The following PITPNB variants were observed in gnomAD, a reference collection of about 807,000 sequenced individuals.
PITPNB encodes phosphatidylinositol transfer protein beta.
A neutral mutation model predicts 45.9 loss-of-function variants in PITPNB; 16 were observed. That is an observed-to-expected ratio of 0.35 (90% CI 0.24 to 0.53). PITPNB has a LOEUF of 0.53. PITPNB is among the 20% of genes least tolerant of loss of function. The pLI is 0.93. For missense variants in PITPNB, 188 were observed against 330.5 expected (o/e 0.57, Z 3.34); for synonymous variants, 112 against 108.9 (o/e 1.03, Z -0.18).
chr22:27,898,380 G>GA (rs1047098994), intron 3 of PITPNB, among the ~76,000 whole-genome samples: 8 of 144,850 alleles, frequency 5.5e-5, no homozygotes, highest in Non-Finnish European at 6.1e-5. Flanking sequence ...GTCTCACAAG[G>GA]AAAAAAAAAA....
Position 27,853,520 on chromosome 22 carries a change from C to T in PITPNB, c.*182G>A, listed in dbSNP as rs1426353523. ...AGACATATGCACACATACATATATA[C>T]ACACGTGGTTGAGAACCTGTGCATG... On this transcript the variant is annotated 3_prime_UTR_variant, in exon 12 of 12. Coordinates refer to ENST00000335272, the MANE Select transcript of PITPNB (RefSeq NM_012399.5). The T allele has an allele frequency of 1.1e-6, 1 of 939,634 alleles. No homozygotes were observed. The allele number at this position is 939,634 out of a possible 1,614,324, so 58.2% of individuals were successfully genotyped here.
rs1205881868 is a variant in PITPNB, at chr22:27,911,030, T to G, written c.131A>C (p.Lys44Thr). 2 of 1,611,372 alleles carry G rather than the reference T, an allele frequency of 1.2e-6. No homozygotes were observed. Among genetic ancestry groups the G allele is most frequent in the South Asian group, 2.2e-5 (2 of 91,034 alleles). The change falls in exon 3 of 12, where the codon AAG becomes ACG. Residue 44 changes from lysine to threonine, a missense_variant. Physicochemically the swap from Lys to Thr is moderately conservative, Grantham distance 78. Transcript: ENST00000335272. ...TCCATCCTTCTCATAAGGTTCATTC[T>G]TTAAGACTTCAATTCCTTCTCCACC... ...TGGGEGIEVL[K>T]NEPYEKDGEK...
rs150806150 is a variant in PITPNB at position 27,864,509 on chromosome 22, T to C, written c.535-4268A>G. ...ATATCCTATTAATCAAGTAAAGAAA[T>C]GATACCACAGATTTATCTGTTAACA... On this transcript the variant is annotated intron_variant, in intron 8 of 11. Transcript: ENST00000335272. Among the ~76,000 whole-genome samples the C allele has an allele frequency of 6.8e-3, 1,032 of 152,310 alleles. 7 individuals are homozygous for C. Among genetic ancestry groups the C allele is most frequent in the African/African-American group, 0.023 (937 of 41,556 alleles).
chr22:27,890,790 G>A (rs1935254928), intron 7 of PITPNB, among the ~76,000 whole-genome samples: 1 of 152,156 alleles, frequency 6.6e-6, no homozygotes, highest in African/African-American at 2.4e-5. Flanking sequence ...CTCCAGCCTG[G>A]GCGACAGAGC....
chr22:27,862,019 C>T (rs1934349805), intron 8 of PITPNB, among the ~76,000 whole-genome samples: 1 of 152,116 alleles, frequency 6.6e-6, no homozygotes, highest in Non-Finnish European at 1.5e-5. Flanking sequence ...CCAAAGCTGC[C>T]TCTCCCACGG....
chr22:27,914,450 T>C (rs1421015885), intron 1 of PITPNB, 103 bp from the exon 2 acceptor site: 2 of 673,550 alleles, frequency 3.0e-6, no homozygotes, highest in Admixed American at 3.2e-5. Flanking sequence ...CAGAGACAGG[T>C]CTCTTAAATC....
intron 6 of PITPNB, among the ~76,000 whole-genome samples, chr22:27,896,330 A>G (rs1935430204): frequency 6.6e-6 from 1 of 152,190 alleles, no homozygotes; most frequent in South Asian, 2.1e-4. Context: ...GGATAAAGAG[A>G]GTTGCTGATC....
In PITPNB at chr22:27,852,958, A is replaced by C. The variant is rs1399838852; in HGVS notation, c.*744T>G. 1 of 152,638 alleles carries C rather than the reference A, an allele frequency of 6.6e-6. No individual in the cohort carries two copies. The highest frequency in any genetic ancestry group is 1.5e-5 in the Non-Finnish European group (1 of 68,038). 9.5% of individuals were successfully genotyped at this position (152,638 alleles called of 1,614,324 possible). A position where few individuals can be genotyped will look rare whatever the true frequency, so the allele number is the denominator to read the frequency against. On this transcript the variant is annotated 3_prime_UTR_variant, in exon 12 of 12. Transcript: ENST00000335272. ...ATACAAAAATCCAATAAAAACCAGA[A>C]ATTTTTTTTAAAAGGATTTTTCCCT... is the stretch of plus-strand genomic sequence containing the variant.
chr22:27,888,664 C>T (rs1935191826), intron 7 of PITPNB, among the ~76,000 whole-genome samples: 1 of 152,196 alleles, frequency 6.6e-6, no homozygotes, highest in South Asian at 2.1e-4. Flanking sequence ...TGAGCAAAAG[C>T]TTCTGAAATT....
chr22:27,912,679 T>C (rs1408637518), intron 2 of PITPNB, among the ~76,000 whole-genome samples: 1 of 150,676 alleles, frequency 6.6e-6, no homozygotes, highest in East Asian at 1.9e-4. Flanking sequence ...ACAGAAGGCA[T>C]GTTTTAAAAA....
intron 8 of PITPNB, among the ~76,000 whole-genome samples, chr22:27,869,062 C>A (rs1239169204): frequency 6.6e-6 from 1 of 151,952 alleles, no homozygotes; most frequent in Non-Finnish European, 1.5e-5. Flanking sequence ...AAGCTAAAAA[C>A]AAATGGAAAC....
At chr22:27,885,080 C>T (rs1305632243) in intron 7 of PITPNB, among the ~76,000 whole-genome samples, 3 of 149,626 alleles carry the variant, frequency 2.0e-5, no homozygotes, top group Non-Finnish European at 4.4e-5. Context: ...TGATGTTAAT[C>T]GTGTGTATAC....
At chr22:27,859,040 C>T (rs1346375215) in intron 9 of PITPNB, among the ~76,000 whole-genome samples, 1 of 152,064 alleles carries the variant, frequency 6.6e-6, no homozygotes, top group East Asian at 1.9e-4. Context: ...ATTTAAAAAC[C>T]ATGTATATAA....
chr22:27,914,016 G>A (rs1346148672), intron 2 of PITPNB, among the ~76,000 whole-genome samples: 2 of 152,198 alleles, frequency 1.3e-5, no homozygotes, highest in African/African-American at 4.8e-5. Flanking sequence ...TAACCTTAAA[G>A]TACTTAAGTT....
At chr22:27,909,777 T>C (rs1795840036) in intron 3 of PITPNB, among the ~76,000 whole-genome samples, 1 of 152,068 alleles carries the variant, frequency 6.6e-6, no homozygotes, top group South Asian at 2.1e-4. Context: ...TGTACAACCA[T>C]GTTCATAAAA....
chr22:27,913,006 T>TG (rs1003089996), intron 2 of PITPNB, among the ~76,000 whole-genome samples: 3,103 of 98,952 alleles, frequency 0.031, 31 homozygotes, highest in Non-Finnish European at 0.037. Flanking sequence ...AAAAAAAAGG[T>TG]GGGGGGGGGA....
At chr22:27,919,033 C>T in intron 1 of PITPNB, 139 bp downstream of exon 1, 4 of 1,047,012 alleles carry the variant, frequency 3.8e-6, no homozygotes, top group Non-Finnish European at 4.0e-6. Context: ...TCGAAGGGGC[C>T]GGGGGAGGGA....
intron 10 of PITPNB, among the ~76,000 whole-genome samples, chr22:27,856,703 G>A (rs2146344652): frequency 6.6e-6 from 1 of 152,342 alleles, no homozygotes; most frequent in East Asian, 1.9e-4. Flanking sequence ...AATCCTTGTA[G>A]GAAATGCCAG....
intron 8 of PITPNB, among the ~76,000 whole-genome samples, chr22:27,862,471 C>T (rs1282454511): frequency 6.6e-6 from 1 of 152,118 alleles, no homozygotes. Flanking sequence ...GAAGAATAAC[C>T]TGATACATGG....
Sources: gnomAD v4.1 joint callset for allele counts (sites outside exome capture counted in the v4.1 genomes callset) on GRCh38, gnomAD v4.1.1 for gene constraint, MANE v1.5 for transcripts, NCBI Gene and HGNC (gene_info 2026-07-23, HGNC 2026-07-21) for gene names.